CYP2C19: variants seen among roughly 807,000 people sequenced by gnomAD.
CYP2C19 encodes the protein cytochrome P450 2C19.
In CYP2C19, 59 loss-of-function variants were observed where a neutral mutation model predicts 40.9. The observed-to-expected ratio is 1.44, with a 90% CI of 1.17 to 1.79. The LOEUF is 1.79. CYP2C19 is among the 40% of genes most tolerant of loss of function. CYP2C19 has a pLI of 0.00. For synonymous variants in CYP2C19, 253 were observed against 208.7 expected (o/e 1.21, Z -1.83); for missense variants, 754 against 596.9 (o/e 1.26, Z -2.74).
At chr10:94,762,964 A>G (rs1286832578) in intron 1 of CYP2C19, 91 bp downstream of exon 1, 11 of 1,340,612 alleles carry the variant, frequency 8.2e-6, no homozygotes, top group Admixed American at 6.9e-5. Flanking sequence ...CAATGTTACA[A>G]GAGATCATTG....
intron 5 of CYP2C19, among the ~76,000 whole-genome samples, chr10:94,791,957 G>A (rs1167018885): frequency 6.6e-6 from 1 of 152,132 alleles, no homozygotes; most frequent in Non-Finnish European, 1.5e-5. Flanking sequence ...AATGTTGACA[G>A]TGGGGTGTTA....
rs867776896 is a variant in CYP2C19, at chr10:94,773,260, T to A, written c.169-1798T>A. On this transcript the variant is annotated intron_variant, in intron 1 of 8. Coordinates refer to ENST00000371321, the MANE Select transcript of CYP2C19 (RefSeq NM_000769.4). Reference sequence around the variant, plus strand: ...TTGGTTCCTTCCGGTGGGTTCTTGGTCTCACTGACTTCAAGAATGAAGCTG... The same window carrying A: ...TTGGTTCCTTCCGGTGGGTTCTTGGACTCACTGACTTCAAGAATGAAGCTG... 3.3e-5 allele frequency among the ~76,000 whole-genome samples: 5 copies of A among 152,296 alleles called. No homozygotes were observed. The South Asian group carries it at 8.3e-4, about 25-fold the overall frequency.
At chr10:94,781,428 T>C (rs1363376610) in intron 4 of CYP2C19, among the ~76,000 whole-genome samples, 1 of 152,144 alleles carries the variant, frequency 6.6e-6, no homozygotes, top group Non-Finnish European at 1.5e-5. Flanking sequence ...AGGGACTATC[T>C]TTGTAGTATC....
intron 5 of CYP2C19, among the ~76,000 whole-genome samples, chr10:94,818,873 C>T (rs529947990): frequency 6.6e-6 from 1 of 151,922 alleles, no homozygotes; most frequent in East Asian, 1.9e-4. Flanking sequence ...CTAATTGAAT[C>T]CCCTTTATTT....
intron 7 of CYP2C19, among the ~76,000 whole-genome samples, chr10:94,848,453 C>T (rs1168063925): frequency 6.6e-6 from 1 of 152,072 alleles, no homozygotes; most frequent in Non-Finnish European, 1.5e-5. Context: ...GTTTTGGTAC[C>T]AGTACCATGC....
intron 6 of CYP2C19, among the ~76,000 whole-genome samples, chr10:94,828,437 T>G (rs1448075880): frequency 6.7e-6 from 1 of 149,186 alleles, no homozygotes; most frequent in Non-Finnish European, 1.5e-5. Context: ...TTGTCTCTTT[T>G]GATCTTTGTT....
intron 6 of CYP2C19, among the ~76,000 whole-genome samples, chr10:94,830,265 C>T (rs1435736263): frequency 6.6e-6 from 1 of 152,260 alleles, no homozygotes; most frequent in Admixed American, 6.5e-5. Flanking sequence ...TTGCTGCCAC[C>T]TTGCAGTTTG....
chr10:94,823,535 A>C (rs74152374), intron 6 of CYP2C19, among the ~76,000 whole-genome samples: 3,312 of 152,268 alleles, frequency 0.022, 117 homozygotes, highest in African/African-American at 0.074. Context: ...TCTTAACAGA[A>C]AATTATCTTC....
chr10:94,782,012 A>C lies in CYP2C19; in HGVS notation c.819+15A>C. ...AAATGGAGAAGGTAAAATGTTAACAAAAGCTTAGTTATGTGACTGCTTGCG... is the reference window on the plus strand; with the variant it reads ...AAATGGAGAAGGTAAAATGTTAACACAAGCTTAGTTATGTGACTGCTTGCG... On this transcript the variant is annotated intron_variant, in intron 5 of 8. Transcript: ENST00000371321. The C allele has an allele frequency of 1.3e-6, 2 of 1,532,050 alleles. No individual in the cohort carries two copies. The highest frequency in any genetic ancestry group is 1.7e-6 in the Non-Finnish European group (2 of 1,147,744). 94.9% of individuals were successfully genotyped at this position (1,532,050 alleles called of 1,614,324 possible).
At chr10:94,822,285 G>A (rs1849136565) in intron 6 of CYP2C19, among the ~76,000 whole-genome samples, 1 of 152,046 alleles carries the variant, frequency 6.6e-6, no homozygotes, top group South Asian at 2.1e-4. Context: ...GTCTCTGATA[G>A]CAAGACTTAT....
At chr10:94,803,070 T>C (rs988315020) in intron 5 of CYP2C19, among the ~76,000 whole-genome samples, 1 of 152,144 alleles carries the variant, frequency 6.6e-6, no homozygotes, top group Non-Finnish European at 1.5e-5. Context: ...GAGTTGCCAA[T>C]TTATTTAGGG....
intron 6 of CYP2C19, among the ~76,000 whole-genome samples, chr10:94,822,810 T>C (rs1030690820): frequency 2.0e-5 from 3 of 152,202 alleles, no homozygotes; most frequent in Non-Finnish European, 2.9e-5. Context: ...GATTTTGATT[T>C]GGATTTCTCT....
rs9663219 is a variant in CYP2C19, at chr10:94,794,377, C to T, written c.819+12380C>T. ...GCTGTACCCATTGTCTGACAAGCCC[C>T]AGTGAGATGAACCCAGTGCCTCAGT... On this transcript the variant is annotated intron_variant, in intron 5 of 8. Coordinates refer to ENST00000371321, the MANE Select transcript of CYP2C19 (RefSeq NM_000769.4). 9.1e-4 allele frequency among the ~76,000 whole-genome samples: 139 copies of T among 152,236 alleles called. 1 individual carries two copies. The highest frequency in any genetic ancestry group is 3.2e-3 in the African/African-American group (135 of 41,568).
intron 7 of CYP2C19, among the ~76,000 whole-genome samples, chr10:94,845,321 A>G (rs1382393554): frequency 2.0e-5 from 3 of 152,216 alleles, no homozygotes; most frequent in African/African-American, 7.2e-5. Context: ...TCCAATTTTT[A>G]TAGAAACAAA....
chr10:94,771,988 A>G (rs1336436148), intron 1 of CYP2C19, among the ~76,000 whole-genome samples: 2 of 152,116 alleles, frequency 1.3e-5, no homozygotes, highest in Non-Finnish European at 2.9e-5. Flanking sequence ...GAAAAATCAG[A>G]TTTAGTTGCC....
At chr10:94,774,718 T>G (rs17884832) in intron 1 of CYP2C19, 16,200 of 230,870 alleles carry the variant, frequency 0.07, 713 homozygotes, top group East Asian at 0.11. Flanking sequence ...CAAATTTGGG[T>G]CTTCTGTATA....
At chr10:94,821,157 G>A (rs1849115398) in intron 6 of CYP2C19, among the ~76,000 whole-genome samples, 1 of 152,170 alleles carries the variant, frequency 6.6e-6, no homozygotes, top group African/African-American at 2.4e-5. Context: ...ATAACTGAGA[G>A]AAATGAAGAC....
chr10:94,839,268 A>T (rs1302287291), intron 6 of CYP2C19, among the ~76,000 whole-genome samples: 1 of 151,082 alleles, frequency 6.6e-6, no homozygotes, highest in African/African-American at 2.4e-5. Context: ...GTCCTTTACC[A>T]GCTTGCCCAA....
At chr10:94,780,855 A>G (rs941859677) in intron 4 of CYP2C19, among the ~76,000 whole-genome samples, 196 bp downstream of exon 4, 11 of 152,140 alleles carry the variant, frequency 7.2e-5, no homozygotes, top group Non-Finnish European at 1.5e-4. Context: ...CCCAATATAG[A>G]TCAGGCTTCT....
Sources: gnomAD v4.1 joint callset for allele counts (sites outside exome capture counted in the v4.1 genomes callset) on GRCh38, gnomAD v4.1.1 for gene constraint, MANE v1.5 for transcripts, NCBI Gene and HGNC (gene_info 2026-07-23, HGNC 2026-07-21) for gene names.